COL9A2: variants seen among roughly 807,000 people sequenced by gnomAD.
The protein encoded by COL9A2 is collagen alpha-2(IX) chain.
In COL9A2, 66 loss-of-function variants were observed where a neutral mutation model predicts 111.6. The observed-to-expected ratio is 0.59, with a 90% confidence interval of 0.48 to 0.73. The LOEUF (loss-of-function observed/expected upper bound fraction) is 0.73, where lower values mean the gene tolerates loss of function less well. COL9A2 is among the 30% of genes least tolerant of loss of function. The pLI, the probability that COL9A2 is intolerant of heterozygous loss-of-function variation, is 0.00. For missense variants in COL9A2, 881 were observed against 954.1 expected (o/e 0.92, Z 1.01); for synonymous variants, 353 against 364.1 (o/e 0.97, Z 0.35).
rs1482705343 is a variant in COL9A2, at chr1:40,306,163, T to G, written c.1033A>C (p.Lys345Gln). The change falls in exon 20 of 32, where the codon AAA (lysine) becomes CAA (glutamine). Residue 345 changes from lysine (K) to glutamine (Q), a missense_variant. Coordinates refer to ENST00000372748, the MANE Select transcript of COL9A2 (RefSeq NM_001852.4). ...LAGVPGQPGT[K>Q]GGPGDQGEPG... is the part of the protein sequence containing the mutation. ...CTCACCTGGTCTCCAGGGCCTCCTT[T>G]TGTCCCAGGCTGGCCTGGCACACCC... is the stretch of plus-strand genomic sequence containing the variant. The G allele has an allele frequency of 6.2e-7, 1 of 1,614,134 alleles. No homozygotes were observed. The highest frequency in any genetic ancestry group is 8.5e-7 in the Non-Finnish European group (1 of 1,180,022).
In COL9A2 at chr1:40,303,850, A is replaced by G; in HGVS notation, c.1369-11T>C. 6.4e-7 allele frequency: 1 copy of G among 1,555,666 alleles called. No homozygotes were observed. Among genetic ancestry groups the G allele is most frequent in the East Asian group, 2.4e-5 (1 of 41,858 alleles). ...CTCGCCGGACTCGCCCTGCAGGCAC[A>G]AGGAGCAGCGGTCACGAAGCCGCGG... On this transcript the variant is annotated splice_polypyrimidine_tract_variant and intron_variant, in intron 26 of 31. Transcript: ENST00000372748. The surrounding 1 kb of genome is among the most constrained non-coding windows in gnomAD (Gnocchi z 4.6).
At chr1:40,309,350 AAATAAT>A (rs1387171966) in intron 16 of COL9A2, among the ~76,000 whole-genome samples, 1 of 152,126 alleles carries the variant, frequency 6.6e-6, no homozygotes, top group Non-Finnish European at 1.5e-5. Flanking sequence ...TTAAAAAACT[AAATAAT>A]AATAACAGTT....
chr1:40,304,462 T>G lies in COL9A2; in HGVS notation c.1215+14A>C. 5 of 1,614,122 alleles carry G rather than the reference T, an allele frequency of 3.1e-6. No individual in the cohort carries two copies. The highest frequency in any genetic ancestry group is 4.2e-6 in the Non-Finnish European group (5 of 1,179,996). On this transcript the variant is annotated intron_variant, in intron 23 of 31. Transcript: ENST00000372748. ...GATATGACGCCCTGCCCACCTTAGCTGGCCTGCACTCACCTGCCTTCCCTG... is the reference window on the plus strand; with the variant it reads ...GATATGACGCCCTGCCCACCTTAGCGGGCCTGCACTCACCTGCCTTCCCTG...
At position 40,315,599 on chromosome 1, in the gene COL9A2, G is replaced by C; in HGVS notation, c.141C>G (p.Asp47Glu). The C allele has an allele frequency of 1.9e-6, 3 of 1,552,246 alleles. No homozygotes were observed. The highest frequency in any genetic ancestry group is 2.6e-6 in the Non-Finnish European group (3 of 1,147,104). ...PPGPPGVPGS[D>E]GIDGDNGPPG... ...CAGGTTAGAGACTTACGTCGATGCC[G>C]TCGGATCCAGGCACTCCCGGCGGTC... The change falls in exon 2 of 32, where the codon GAC becomes GAG. Residue 47 changes from aspartate (D) to glutamate (E), a missense_variant. Coordinates refer to ENST00000372748, the MANE Select transcript of COL9A2 (RefSeq NM_001852.4).
Position 40,315,124 on chromosome 1 carries a change from CACCCTGCAGGGA to C in COL9A2, c.150+454_150+465del, listed in dbSNP as rs1029267962. ...CTTTCAGAATGAGGTATTTAACCCTCACCCTGCAGGGAACAAGCCCAGCTGATTCTAAATCGG... is the reference window on the plus strand; with the variant it reads ...CTTTCAGAATGAGGTATTTAACCCTCACAAGCCCAGCTGATTCTAAATCGG... On this transcript the variant is annotated intron_variant, in intron 2 of 31. Transcript: ENST00000372748. The C allele has an allele frequency of 2.6e-5, 19 of 722,566 alleles. No homozygotes were observed. The African/African-American group carries it at 3.7e-4, about 14-fold the overall frequency. 44.8% of individuals were successfully genotyped at this position (722,566 alleles called of 1,614,324 possible).
rs769564992 is a variant in COL9A2, at chr1:40,312,510, T to A, written c.340-31A>T. On this transcript the variant is annotated intron_variant, in intron 6 of 31. Coordinates refer to ENST00000372748, the MANE Select transcript of COL9A2 (RefSeq NM_001852.4). This position sits in a 1 kb window ranked among gnomAD's most constrained non-coding sequence, Gnocchi z 6.0. ...ACAGAAAGAAAGAAAATTGGCTTCA[T>A]GGCTCCCTCTGCAGGTCCCCTCTCC... is the stretch of plus-strand genomic sequence containing the variant. 6.2e-7 allele frequency: 1 copy of A among 1,613,974 alleles called. No homozygotes were observed. The highest frequency in any genetic ancestry group is 1.1e-5 in the South Asian group (1 of 91,040).
In COL9A2 at chr1:40,317,028, G is replaced by T; in HGVS notation, c.75+95C>A. 1.6e-6 allele frequency: 2 copies of T among 1,276,308 alleles called. No individual in the cohort carries two copies. The highest frequency in any genetic ancestry group is 1.1e-6 in the Non-Finnish European group (1 of 896,700). 79.1% of individuals were successfully genotyped at this position (1,276,308 alleles called of 1,614,324 possible). A position where few individuals can be genotyped will look rare whatever the true frequency, so the allele number is the denominator to read the frequency against. On this transcript the variant is annotated intron_variant, in intron 1 of 31. Coordinates refer to ENST00000372748, the MANE Select transcript of COL9A2 (RefSeq NM_001852.4). This position sits in a 1 kb window ranked among gnomAD's most constrained non-coding sequence, Gnocchi z 4.3. ...CCTCAGGTGGCCTCTCGGGCTAGGG[G>T]TGTCAGTAGGCGCGGGACACAGGCA...
In COL9A2 at chr1:40,304,832, G is replaced by A. The variant is rs375476174; in HGVS notation, c.1123C>T (p.Arg375Ter). ...PPGKEGEPGP[R>*]GEIGPQGIMG... ...ATGCCCTGGGGACCAATTTCTCCTC[G>A]AGGCCCTGGCTCTCCCTGGAGGAAG... The change falls in exon 22 of 32, where the codon CGA (arginine) becomes TGA (stop). Residue 375 changes from arginine (R) to a stop codon, truncating the protein, a stop_gained. Transcript: ENST00000372748. LOFTEE classifies it high-confidence loss of function. 3.9e-6 allele frequency: 6 copies of A among 1,550,522 alleles called. No individual in the cohort carries two copies. Among genetic ancestry groups the A allele is most frequent in the Admixed American group, 2.0e-5 (1 of 50,968 alleles).
In COL9A2 at chr1:40,304,075, G is replaced by A. The variant is rs2124051064; in HGVS notation, c.1312C>T (p.Arg438Cys). The A allele has an allele frequency of 4.4e-6, 7 of 1,575,512 alleles. No individual in the cohort carries two copies. The highest frequency in any genetic ancestry group is 6.0e-6 in the Non-Finnish European group (7 of 1,161,690). The change falls in exon 25 of 32, where the codon CGC becomes TGC. Residue 438 changes from arginine (R) to cysteine (C), a missense_variant. Arg to Cys is a radical substitution (Grantham distance 180). Transcript: ENST00000372748. ...DKGSPGKTGP[R>C]GKVGDPGVAG... ...GTGCTGGAACTCACCACTTTGCCGC[G>A]GGGCCCGGTCTTCCCTGGGGAGCCC...
In COL9A2 at chr1:40,305,712, T is replaced by C. The variant is rs763094049; in HGVS notation, c.1107+3A>G. 1 of 1,613,948 alleles carries C rather than the reference T, an allele frequency of 6.2e-7. No individual in the cohort carries two copies. Among genetic ancestry groups the C allele is most frequent in the South Asian group, 1.1e-5 (1 of 91,076 alleles). On this transcript the variant is annotated splice_donor_region_variant and intron_variant, in intron 21 of 31. Transcript: ENST00000372748. ...CCCTTGTGTCAGTGCAGGGGGCATT[T>C]ACCTCTTTCCCAGGGGGACCAGAGA...
At position 40,311,165 on chromosome 1, in the gene COL9A2, C is replaced by T; in HGVS notation, c.577-19G>A. 1 of 1,614,244 alleles carries T rather than the reference C, an allele frequency of 6.2e-7. No individual in the cohort carries two copies. On this transcript the variant is annotated intron_variant, in intron 11 of 31. Coordinates refer to ENST00000372748, the MANE Select transcript of COL9A2 (RefSeq NM_001852.4). The surrounding 1 kb of genome is among the most constrained non-coding windows in gnomAD (Gnocchi z 5.1). ...CATGCCCCTGAAGGGAAGGAGAGAG[C>T]TCAATACGAGGTCCCCTCCTGTCAC...
rs765214045 is a variant in COL9A2 at position 40,311,472 on chromosome 1, T to C, written c.519+28A>G. 43 of 1,597,158 alleles carry C rather than the reference T, an allele frequency of 2.7e-5. No homozygotes were observed. The highest frequency in any genetic ancestry group is 1.8e-4 in the Admixed American group (11 of 59,820). The stretch of plus-strand genomic sequence containing the variant: ...TCTCTGTGGCCCCGCCCCCCTGTGT[T>C]AGCCCCGCCCCAGACCTCGTCTCTC... On this transcript the variant is annotated intron_variant, in intron 10 of 31. Transcript: ENST00000372748. The surrounding 1 kb of genome is among the most constrained non-coding windows in gnomAD (Gnocchi z 5.1).
At position 40,304,501 on chromosome 1, in the gene COL9A2, C is replaced by A; in HGVS notation, c.1190G>T (p.Gly397Val). The change falls in exon 23 of 32, where the codon GGG becomes GTG. Residue 397 changes from glycine to valine, a missense_variant. Gly to Val is a moderately radical substitution (Grantham distance 109, BLOSUM62 -3). Transcript: ENST00000372748. ...CTGCCTTCCCTGAGGGCCTGGTTGC[C>A]CCACTGGACCCCTCTCGCCTTGGTC... ...KGDQGERGPVGQPGPQGRQGP... is the reference protein window; with the variant it reads ...KGDQGERGPVVQPGPQGRQGP... The A allele has an allele frequency of 6.2e-7, 1 of 1,614,180 alleles. No individual in the cohort carries two copies. The highest frequency in any genetic ancestry group is 1.1e-5 in the South Asian group (1 of 91,074).
intron 16 of COL9A2, 62 bp downstream of exon 16, chr1:40,309,876 G>C: frequency 6.5e-7 from 1 of 1,540,746 alleles, no homozygotes; most frequent in South Asian, 1.1e-5. Context: ...CTTAGGGGGT[G>C]CCTTGTCCTG....
At position 40,308,015 on chromosome 1, in the gene COL9A2, C is replaced by A. The variant is rs553533115; in HGVS notation, c.900+177G>T. On this transcript the variant is annotated intron_variant, in intron 17 of 31. Transcript: ENST00000372748. ...CCCCATGACCTCCCGTATGTCATCA[C>A]CCCTGTTTACAGGTGAAGAAACTGA... is the stretch of plus-strand genomic sequence containing the variant. Among the ~76,000 whole-genome samples, 4 of 152,308 alleles carry A rather than the reference C, an allele frequency of 2.6e-5. No individual in the cohort carries two copies. The South Asian group carries it at 6.2e-4, about 24-fold the overall frequency.
Position 40,303,486 on chromosome 1 carries a change from G to C in COL9A2, c.1548+44C>G, listed in dbSNP as rs376609265. 1 of 1,611,454 alleles carries C rather than the reference G, an allele frequency of 6.2e-7. No individual in the cohort carries two copies. Among genetic ancestry groups the C allele is most frequent in the African/African-American group, 1.3e-5 (1 of 74,996 alleles). ...GGCGGGTAAGCCGCACCCCAGAACA[G>C]ATCTACCTAGAAGAAGCACCTCCTA... On this transcript the variant is annotated intron_variant, in intron 28 of 31. Transcript: ENST00000372748. This position sits in a 1 kb window ranked among gnomAD's most constrained non-coding sequence, Gnocchi z 4.6.
At position 40,303,167 on chromosome 1, in the gene COL9A2, G is replaced by A; in HGVS notation, c.1567C>T (p.Gln523Ter). The A allele has an allele frequency of 6.2e-7, 1 of 1,612,394 alleles. No homozygotes were observed. Among genetic ancestry groups the A allele is most frequent in the Non-Finnish European group, 8.5e-7 (1 of 1,179,356 alleles). Reference protein sequence around the residue: ...QGVEGRDATDQHIVDVALKML... With the variant: ...QGVEGRDATD ...TTCAGCGCCACATCCACGATGTGCT[G>A]GTCAGTGGCATCCCGGCCCTGAAAG... Residue 523 changes from glutamine (Q) to a stop codon, truncating the protein, a stop_gained, in exon 29 of 32, where the codon CAG (glutamine) becomes TAG (stop). Coordinates refer to ENST00000372748, the MANE Select transcript of COL9A2 (RefSeq NM_001852.4). LOFTEE classifies it high-confidence loss of function. The surrounding 1 kb of genome is among the most constrained non-coding windows in gnomAD (Gnocchi z 4.6).
chr1:40,302,655 T>C lies in COL9A2; in HGVS notation c.1758A>G (p.Gly586=). The C allele has an allele frequency of 1.9e-6, 3 of 1,604,282 alleles. No homozygotes were observed. Among genetic ancestry groups the C allele is most frequent in the South Asian group, 1.1e-5 (1 of 89,408 alleles). The change falls in exon 30 of 32, where the codon GGA becomes GGG. Residue 586 remains glycine, a synonymous_variant. Coordinates refer to ENST00000372748, the MANE Select transcript of COL9A2 (RefSeq NM_001852.4). This position sits in a 1 kb window ranked among gnomAD's most constrained non-coding sequence, Gnocchi z 4.5. ...CCGTGTTGCCGATCTGACCCACGGC[T>C]CCCACGATGCCAGGAACGCCCCGAG... ...PGPRGVPGIV[G]AVGQIGNTGP... is the part of the protein sequence containing the mutation.
At chr1:40,315,940 GT>G (rs1246007300) in intron 1 of COL9A2, 3 of 375,162 alleles carry the variant, frequency 8.0e-6, no homozygotes, top group Non-Finnish European at 1.4e-5. Context: ...GTCACTGAGA[GT>G]GGGCGGCGGC....
Sources: gnomAD v4.1 joint callset for allele counts (sites outside exome capture counted in the v4.1 genomes callset) on GRCh38, gnomAD v4.1.1 for gene constraint, Gnocchi (gnomAD v3.1) non-coding constraint, MANE v1.5 for transcripts, NCBI Gene and HGNC (gene_info 2026-07-23, HGNC 2026-07-21) for gene names.